The following TTC3 variants were observed in gnomAD, a reference collection of about 807,000 sequenced individuals.
The protein encoded by TTC3 is E3 ubiquitin-protein ligase TTC3.
Under a neutral mutation model 249.6 loss-of-function variants are expected in TTC3, and 180 were observed. The ratio of observed to expected loss-of-function variants is 0.72; its 90% CI spans 0.64 to 0.82. The LOEUF is 0.82. Among genes scored for constraint, TTC3 ranks in the 40% least tolerant of loss-of-function variants. TTC3 has a pLI of 0.00. For synonymous variants in TTC3, 717 were observed against 805.0 expected, an observed-to-expected ratio of 0.89 and a Z score of 1.85; for missense variants, 2,061 against 2,398.4, an observed-to-expected ratio of 0.86 and a Z score of 2.94.
chr21:37,193,700 C>A (rs1452951032), intron 41 of TTC3: 1 of 152,220 alleles, frequency 6.6e-6, no homozygotes, highest in African/African-American at 2.4e-5. Flanking sequence ...TATCTCATTT[C>A]TCCCTCATTC....
At chr21:37,136,917 T>C (rs1437448279) in intron 18 of TTC3, among the ~76,000 whole-genome samples, 2 of 152,176 alleles carry the variant, frequency 1.3e-5, no homozygotes, top group Admixed American at 6.5e-5. Context: ...CTCATTTATG[T>C]TCCAAAAATC....
At chr21:37,129,995 T>G (rs566179348) in intron 16 of TTC3, among the ~76,000 whole-genome samples, 1 of 152,346 alleles carries the variant, frequency 6.6e-6, no homozygotes, top group South Asian at 2.1e-4. Context: ...TTGATTACAA[T>G]GTGAAATTGT....
exon 44 of TTC3, chr21:37,197,959 C>T (rs546184190): frequency 3.1e-6 from 5 of 1,613,940 alleles, no homozygotes; most frequent in Admixed American, 1.7e-5. Flanking sequence ...AGGGCTCACC[C>T]TCGGTGGTTG....
At chr21:37,124,020 A>G (rs2076843755) in intron 13 of TTC3, among the ~76,000 whole-genome samples, 2 of 150,904 alleles carry the variant, frequency 1.3e-5, no homozygotes, top group African/African-American at 4.9e-5. Flanking sequence ...AAGTGCTGAG[A>G]TTACAGGAGT....
chr21:37,178,198 T>A (rs1280569094), intron 35 of TTC3, among the ~76,000 whole-genome samples: 2 of 152,258 alleles, frequency 1.3e-5, no homozygotes, highest in African/African-American at 4.8e-5. Flanking sequence ...TATGACTATA[T>A]CACATTTTAT....
At chr21:37,090,966 T>A (rs1367385952) in intron 6 of TTC3, among the ~76,000 whole-genome samples, 1 of 152,158 alleles carries the variant, frequency 6.6e-6, no homozygotes, top group East Asian at 1.9e-4. Flanking sequence ...ATCCACCTTG[T>A]TATATTGCAC....
At chr21:37,198,942 G>A (rs1024277159) in intron 44 of TTC3, among the ~76,000 whole-genome samples, 3 of 152,066 alleles carry the variant, frequency 2.0e-5, no homozygotes, top group Non-Finnish European at 2.9e-5. Context: ...GTCAAGTTAA[G>A]TGTATATTTT....
At chr21:37,163,968 T>C in intron 31 of TTC3, 83 bp from the exon 32 acceptor site, 1 of 1,458,334 alleles carries the variant, frequency 6.9e-7, no homozygotes, top group Non-Finnish European at 9.2e-7. Context: ...TGTGTTTATT[T>C]CAATTAGACA....
At chr21:37,087,938 C>T in intron 3 of TTC3, 63 bp downstream of exon 3, 2 of 1,271,136 alleles carry the variant, frequency 1.6e-6, no homozygotes, top group Non-Finnish European at 2.2e-6. Flanking sequence ...GTCCATCCAT[C>T]CTGTCATAGC....
At chr21:37,108,442 C>A in exon 11 of TTC3, 1 of 1,612,068 alleles carries the variant, frequency 6.2e-7, no homozygotes, top group Non-Finnish European at 8.5e-7. Context: ...AACACTTGGC[C>A]AAAGGTAGGT....
chr21:37,111,648 A>G, intron 11 of TTC3, among the ~76,000 whole-genome samples: 1 of 152,194 alleles, frequency 6.6e-6, no homozygotes. Context: ...AACGAGACAG[A>G]AAATTAACAA....
At chr21:37,097,819 C>T (rs560286398) in intron 10 of TTC3, 7 of 559,248 alleles carry the variant, frequency 1.3e-5, no homozygotes, top group African/African-American at 5.8e-5. Flanking sequence ...TCAGTGAAAG[C>T]GCTTGTATGG....
intron 20 of TTC3, among the ~76,000 whole-genome samples, chr21:37,142,672 A>G (rs1234190965): frequency 1.3e-5 from 2 of 152,328 alleles, no homozygotes; most frequent in East Asian, 1.9e-4. Context: ...CCATATTGCC[A>G]AGGTAATTTA....
At chr21:37,166,237 T>A (rs779012915) in exon 33 of TTC3, 18 of 1,614,062 alleles carry the variant, frequency 1.1e-5, no homozygotes, top group Non-Finnish European at 1.5e-5. Flanking sequence ...TGTTACCAGG[T>A]TTGCCCCAGT....
At chr21:37,198,515 G>C (rs2085160132) in intron 44 of TTC3, among the ~76,000 whole-genome samples, 1 of 152,226 alleles carries the variant, frequency 6.6e-6, no homozygotes, top group South Asian at 2.1e-4. Flanking sequence ...TTTGCTTCAT[G>C]ATGGATGTTT....
At chr21:37,131,839 A>ATG (rs2077495016) in intron 16 of TTC3, among the ~76,000 whole-genome samples, 1 of 152,208 alleles carries the variant, frequency 6.6e-6, no homozygotes, top group South Asian at 2.1e-4. Flanking sequence ...TACACATTGG[A>ATG]TGTCAGAAGT....
chr21:37,140,694 T>C (rs2078361997), intron 20 of TTC3, 21 bp downstream of exon 20: 1 of 1,525,010 alleles, frequency 6.6e-7, no homozygotes, highest in African/African-American at 1.4e-5. Flanking sequence ...ATGACACTAC[T>C]TTAAGCTCTA....
chr21:37,182,725 T>G (rs1273346221), intron 35 of TTC3, 49 bp from the exon 36 acceptor site: 4 of 1,496,334 alleles, frequency 2.7e-6, no homozygotes, highest in Non-Finnish European at 3.6e-6. Flanking sequence ...TCTCTTTTGT[T>G]AAAAAGTATA....
intron 41 of TTC3, chr21:37,194,056 A>G (rs905876134): frequency 6.6e-6 from 1 of 152,234 alleles, no homozygotes; most frequent in Admixed American, 6.5e-5. Flanking sequence ...TTCATACTGT[A>G]ATAGAAGCCC....
Sources: allele counts gnomAD v4.1 joint callset (sites outside exome capture counted in the v4.1 genomes callset), GRCh38; gene constraint gnomAD v4.1.1; transcripts MANE v1.5; gene names NCBI Gene and HGNC (gene_info 2026-07-23, HGNC 2026-07-21).